Variants in PRIM2 observed in about 807,000 individuals in gnomAD.
PRIM2 encodes the protein DNA primase large subunit.
Under a neutral mutation model 67.3 loss-of-function variants are expected in PRIM2, and 39 were observed. The ratio of observed to expected loss-of-function variants is 0.58; its 90% CI spans 0.45 to 0.76. The LOEUF (loss-of-function observed/expected upper bound fraction) is 0.76. Among genes scored for constraint, PRIM2 ranks in the 30% least tolerant of loss-of-function variants. The pLI is 0.00. For synonymous variants in PRIM2, 143 were observed against 198.7 expected, an observed-to-expected ratio of 0.72 and a Z score of 2.36; for missense variants, 398 against 598.7, an observed-to-expected ratio of 0.66 and a Z score of 3.50.
rs1774388976 is a variant in PRIM2 at position 57,512,351 on chromosome 6, A to G, written c.761+4897A>G. On this transcript the variant is annotated intron_variant, in intron 8 of 13. Transcript: ENST00000615550. ...GATGAGCATATTTACAGGTTAAGGC[A>G]GAAATGAGTAGTATGGGAGTAAGAG... is the stretch of plus-strand genomic sequence containing the variant. Among the ~76,000 whole-genome samples, 26 of 152,300 alleles carry G rather than the reference A, an allele frequency of 1.7e-4. No individual in the cohort carries two copies. The South Asian group carries it at 5.4e-3, about 32-fold the overall frequency.
At chr6:57,577,480 A>T (rs1329432369) in intron 10 of PRIM2, among the ~76,000 whole-genome samples, 1 of 138,742 alleles carries the variant, frequency 7.2e-6, no homozygotes, top group African/African-American at 2.8e-5. Flanking sequence ...CCCAGGCTGG[A>T]GTGCAGTGGC....
the PRIM2 span, among the ~76,000 whole-genome samples, chr6:57,275,812 T>C: frequency 3.3e-5 from 5 of 152,198 alleles, no homozygotes; most frequent in African/African-American, 4.8e-5. Context: ...TTTCTCCCAG[T>C]GGGCCAACTG....
chr6:57,356,009 G>A (rs1769018357), intron 5 of PRIM2, among the ~76,000 whole-genome samples: 1 of 152,120 alleles, frequency 6.6e-6, no homozygotes, highest in Non-Finnish European at 1.5e-5. Flanking sequence ...TTGGGGTTTT[G>A]CATTCGAGAC....
At chr6:57,543,380 A>G (rs1775218641) in intron 10 of PRIM2, among the ~76,000 whole-genome samples, 1 of 152,110 alleles carries the variant, frequency 6.6e-6, no homozygotes, top group Non-Finnish European at 1.5e-5. Context: ...GTGTAAGAAA[A>G]ATGATGTGGT....
At chr6:57,465,119 G>A (rs1434760981) in intron 7 of PRIM2, among the ~76,000 whole-genome samples, 1 of 152,014 alleles carries the variant, frequency 6.6e-6, no homozygotes, top group East Asian at 1.9e-4. Flanking sequence ...AGAGTGTAGT[G>A]GATATCTTAT....
At chr6:57,514,259 A>G (rs1394340833) in intron 8 of PRIM2, among the ~76,000 whole-genome samples, 11 of 152,340 alleles carry the variant, frequency 7.2e-5, no homozygotes, top group Admixed American at 1.3e-4. Context: ...CTCTGTAAGA[A>G]AGCTTTTCTT....
At chr6:57,579,787 A>G (rs1280745453) in intron 10 of PRIM2, among the ~76,000 whole-genome samples, 1 of 152,158 alleles carries the variant, frequency 6.6e-6, no homozygotes, top group Non-Finnish European at 1.5e-5. Flanking sequence ...GACTGAAAAT[A>G]AAGGTGGGCA....
At chr6:57,458,571 G>C (rs1772887566) in intron 7 of PRIM2, among the ~76,000 whole-genome samples, 1 of 152,194 alleles carries the variant, frequency 6.6e-6, no homozygotes, top group African/African-American at 2.4e-5. Flanking sequence ...TGTAATCCCA[G>C]CTACTCTGGA....
intron 7 of PRIM2, among the ~76,000 whole-genome samples, chr6:57,489,997 A>T (rs1773853120): frequency 6.7e-6 from 1 of 148,686 alleles, no homozygotes; most frequent in Non-Finnish European, 1.5e-5. Flanking sequence ...TGAGACAATG[A>T]TTGCCTGCCC....
intron 13 of PRIM2, among the ~76,000 whole-genome samples, chr6:57,641,311 A>G (rs1201887017): frequency 2.0e-5 from 3 of 152,030 alleles, no homozygotes; most frequent in African/African-American, 4.8e-5. Flanking sequence ...GGCAAAACCA[A>G]TCAGGACATA....
intron 13 of PRIM2, among the ~76,000 whole-genome samples, chr6:57,642,360 CT>C (rs1163140038): frequency 8.6e-4 from 126 of 147,314 alleles, no homozygotes; most frequent in Non-Finnish European, 1.4e-3. Flanking sequence ...GACTCCAGAA[CT>C]TTAAGTATAA....
the PRIM2 span, among the ~76,000 whole-genome samples, chr6:57,267,493 C>T: frequency 6.6e-6 from 1 of 152,036 alleles, no homozygotes; most frequent in East Asian, 1.9e-4. Flanking sequence ...TCCATTTAGT[C>T]CAGCACTGTA....
chr6:57,556,294 T>G (rs1284921471), intron 10 of PRIM2, among the ~76,000 whole-genome samples: 2 of 152,134 alleles, frequency 1.3e-5, no homozygotes, highest in East Asian at 3.9e-4. Flanking sequence ...AAAAACTATT[T>G]TAAAATTCGT....
chr6:57,516,020 C>G (rs1440750531), intron 8 of PRIM2, among the ~76,000 whole-genome samples: 19 of 151,556 alleles, frequency 1.3e-4, no homozygotes, highest in Non-Finnish European at 2.9e-5. Flanking sequence ...CTCATGCTTT[C>G]CATGATTTCC....
chr6:57,475,145 T>C (rs1773445265), intron 7 of PRIM2, among the ~76,000 whole-genome samples: 1 of 152,312 alleles, frequency 6.6e-6, no homozygotes, highest in Non-Finnish European at 1.5e-5. Context: ...TACAGTTTGA[T>C]TGGTGACTGT....
chr6:57,455,304 A>G (rs891044548), intron 7 of PRIM2, among the ~76,000 whole-genome samples: 1 of 152,082 alleles, frequency 6.6e-6, no homozygotes. Context: ...TATTAGGTCC[A>G]CTTGGTGCAG....
At chr6:57,476,036 G>GT (rs1219630470) in intron 7 of PRIM2, among the ~76,000 whole-genome samples, 6 of 151,950 alleles carry the variant, frequency 3.9e-5, no homozygotes, top group East Asian at 1.9e-4. Flanking sequence ...TTTTGTTTGT[G>GT]TTTTTTTAAA....
At chr6:57,410,331 C>CAAAAAAAAA (rs66631802) in intron 7 of PRIM2, among the ~76,000 whole-genome samples, 1 of 105,358 alleles carries the variant, frequency 9.5e-6, no homozygotes, top group Admixed American at 1.1e-4. Context: ...AACGCCATCT[C>CAAAAAAAAA]AAAAAAAAAA....
At chr6:57,518,217 C>G (rs1774527063) in intron 8 of PRIM2, among the ~76,000 whole-genome samples, 1 of 152,194 alleles carries the variant, frequency 6.6e-6, no homozygotes, top group Non-Finnish European at 1.5e-5. Context: ...TGCATACATA[C>G]AATCTACCAG....
Sources: gnomAD v4.1 joint callset for allele counts (sites outside exome capture counted in the v4.1 genomes callset) on GRCh38, gnomAD v4.1.1 for gene constraint, MANE v1.5 for transcripts, NCBI Gene and HGNC (gene_info 2026-07-23, HGNC 2026-07-21) for gene names.